ACBD6: variants seen among roughly 807,000 people sequenced by gnomAD.
The protein encoded by ACBD6 is acyl-CoA binding domain containing 6, also known as acyl-CoA-binding domain-containing protein 6.
A neutral mutation model predicts 37.2 loss-of-function variants in ACBD6; 28 were observed. The observed-to-expected ratio is 0.75, with a 90% confidence interval of 0.56 to 1.03. The LOEUF (loss-of-function observed/expected upper bound fraction) is 1.03, where lower values mean the gene tolerates loss of function less well. Among genes scored for constraint, ACBD6 ranks in the 50% least tolerant of loss-of-function variants. ACBD6 has a pLI of 0.00. For synonymous variants in ACBD6, 113 were observed against 126.8 expected, an observed-to-expected ratio of 0.89 and a Z score of 0.73; for missense variants, 340 against 337.4, an observed-to-expected ratio of 1.01 and a Z score of -0.06.
chr1:180,403,567 T>A (rs902633961), intron 5 of ACBD6, among the ~76,000 whole-genome samples: 1 of 152,190 alleles, frequency 6.6e-6, no homozygotes, highest in African/African-American at 2.4e-5. Context: ...CTTCTCTGTA[T>A]GTTTAACATT....
chr1:180,368,338 T>A (rs1420376112), intron 6 of ACBD6, among the ~76,000 whole-genome samples: 2 of 152,204 alleles, frequency 1.3e-5, no homozygotes, highest in African/African-American at 4.8e-5. Context: ...GTCTATTTAC[T>A]CTGTTGACAG....
intron 6 of ACBD6, among the ~76,000 whole-genome samples, chr1:180,348,817 T>G (rs1652291235): frequency 6.6e-6 from 1 of 152,230 alleles, no homozygotes; most frequent in African/African-American, 2.4e-5. Flanking sequence ...TTCTAAACCT[T>G]TATTTTCTAC....
At chr1:180,467,448 C>CAAAAAAA (rs57941230) in intron 3 of ACBD6, among the ~76,000 whole-genome samples, 162 of 72,502 alleles carry the variant, frequency 2.2e-3, no homozygotes, top group Non-Finnish European at 3.1e-3. Context: ...TCCATCTCTG[C>CAAAAAAA]AAAAAAAAAA....
At position 180,360,328 on chromosome 1, in the gene ACBD6, A is replaced by G. The variant is rs566983355; in HGVS notation, c.663+37188T>C. On this transcript the variant is annotated intron_variant, in intron 6 of 7. Transcript: ENST00000367595. ...TCCATCAGCACATTTTTCACCTATT[A>G]GGATGCTCTCAGATGTTAATGACTT... 4.6e-5 allele frequency among the ~76,000 whole-genome samples: 7 copies of G among 152,350 alleles called. No individual in the cohort carries two copies. In the East Asian group the frequency reaches 1.2e-3, roughly 25 times the overall value.
intron 5 of ACBD6, among the ~76,000 whole-genome samples, chr1:180,407,628 CCTT>C (rs1431861605): frequency 6.6e-6 from 1 of 152,110 alleles, no homozygotes; most frequent in Non-Finnish European, 1.5e-5. Context: ...TTTTATTTAT[CCTT>C]CTAAAATCTA....
At chr1:180,281,763 G>GA (rs368286679) in intron 8 of ACBD6, among the ~76,000 whole-genome samples, 144 of 148,408 alleles carry the variant, frequency 9.7e-4, no homozygotes, top group African/African-American at 3.1e-3. Context: ...TTAGGAGGGA[G>GA]AAAAAAAAAA....
At chr1:180,384,059 T>C (rs1444851407) in intron 6 of ACBD6, among the ~76,000 whole-genome samples, 1 of 151,644 alleles carries the variant, frequency 6.6e-6, no homozygotes, top group African/African-American at 2.4e-5. Context: ...CCTGCAACTA[T>C]AAAACTACTA....
intron 6 of ACBD6, among the ~76,000 whole-genome samples, chr1:180,345,756 AAAGC>A (rs1652155700): frequency 6.6e-6 from 1 of 152,200 alleles, no homozygotes; most frequent in African/African-American, 2.4e-5. Flanking sequence ...TAAACTATAT[AAAGC>A]AAGCAATTAA....
intron 3 of ACBD6, among the ~76,000 whole-genome samples, chr1:180,467,830 A>AC (rs1557883052): frequency 6.6e-6 from 1 of 152,130 alleles, no homozygotes; most frequent in Non-Finnish European, 1.5e-5. Flanking sequence ...ATCCATTTAG[A>AC]TGTTTCTAAT....
chr1:180,346,360 G>A (rs1190476904), intron 6 of ACBD6, among the ~76,000 whole-genome samples: 1 of 152,192 alleles, frequency 6.6e-6, no homozygotes, highest in African/African-American at 2.4e-5. Context: ...GATAGTGCTT[G>A]TGGTAGGCAG....
intron 7 of ACBD6, among the ~76,000 whole-genome samples, chr1:180,307,730 G>A (rs1219922990): frequency 3.3e-5 from 5 of 152,182 alleles, no homozygotes; most frequent in East Asian, 1.9e-4. Flanking sequence ...CAAGGCAAGC[G>A]GATCATTTGA....
At chr1:180,398,393 A>C (rs989861366) in intron 5 of ACBD6, among the ~76,000 whole-genome samples, 3 of 152,188 alleles carry the variant, frequency 2.0e-5, no homozygotes, top group East Asian at 1.9e-4. Context: ...ATGATAACTA[A>C]ATTTCCTCGA....
intron 6 of ACBD6, among the ~76,000 whole-genome samples, chr1:180,378,869 G>T (rs1350670335): frequency 1.3e-5 from 2 of 152,080 alleles, no homozygotes; most frequent in African/African-American, 2.4e-5. Flanking sequence ...CTCTGCTTGG[G>T]TCCCAGAGGG....
chr1:180,476,558 G>A (rs2102064527), intron 3 of ACBD6, among the ~76,000 whole-genome samples: 1 of 152,326 alleles, frequency 6.6e-6, no homozygotes, highest in African/African-American at 2.4e-5. Context: ...GGGCACAGTG[G>A]CTCACGCCTA....
At position 180,502,400 on chromosome 1, in the gene ACBD6, G is replaced by A; in HGVS notation, c.-134C>T. 1 of 980,536 alleles carries A rather than the reference G, an allele frequency of 1.0e-6. No individual in the cohort carries two copies. 60.7% of individuals were successfully genotyped at this position (980,536 alleles called of 1,614,324 possible). ...AGTCGGACCCAAGCTCAGTCGCGGC[G>A]CGCTCCCTCACGTGACCCTGCTCCC... On this transcript the variant is annotated 5_prime_UTR_variant, in exon 1 of 8. Transcript: ENST00000367595.
intron 5 of ACBD6, among the ~76,000 whole-genome samples, chr1:180,400,856 A>T (rs1053195265): frequency 3.9e-5 from 6 of 152,198 alleles, no homozygotes; most frequent in Non-Finnish European, 8.8e-5. Context: ...TATTTTAGGT[A>T]AAGAATTCCA....
At chr1:180,476,366 A>G (rs1344643351) in intron 3 of ACBD6, among the ~76,000 whole-genome samples, 1 of 152,222 alleles carries the variant, frequency 6.6e-6, no homozygotes, top group Non-Finnish European at 1.5e-5. Flanking sequence ...CATTCCAATA[A>G]TGGAACACTA....
At chr1:180,460,825 A>C (rs1034881211) in intron 3 of ACBD6, among the ~76,000 whole-genome samples, 1 of 152,226 alleles carries the variant, frequency 6.6e-6, no homozygotes, top group Admixed American at 6.5e-5. Context: ...AAACTCAAAA[A>C]GCCAGAGGGG....
intron 3 of ACBD6, among the ~76,000 whole-genome samples, chr1:180,434,292 CAG>C (rs544457619): frequency 1.3e-5 from 2 of 152,160 alleles, no homozygotes; most frequent in Non-Finnish European, 2.9e-5. Flanking sequence ...CATCACATGA[CAG>C]AGAGCAGACC....
Sources: allele counts gnomAD v4.1 joint callset (sites outside exome capture counted in the v4.1 genomes callset), GRCh38; gene constraint gnomAD v4.1.1; transcripts MANE v1.5; gene names NCBI Gene and HGNC (gene_info 2026-07-23, HGNC 2026-07-21).